Variants in CCDC3 observed in about 807,000 individuals in gnomAD.
The protein encoded by CCDC3 is coiled-coil domain containing 3, also known as coiled-coil domain-containing protein 3.
In CCDC3, 24 loss-of-function variants were observed where a neutral mutation model predicts 21.4. That is an observed-to-expected ratio of 1.12 (90% CI 0.81 to 1.58). The LOEUF (loss-of-function observed/expected upper bound fraction) is 1.58. Ranked by LOEUF, CCDC3 falls within the 40% of genes most tolerant of loss-of-function variation. The pLI is 0.00. For missense variants in CCDC3, 425 were observed against 360.9 expected (o/e 1.18, Z -1.44); for synonymous variants, 186 against 166.0 (o/e 1.12, Z -0.93).
At chr10:12,981,177 ATTTTTTTT>A (rs59193619) in intron 2 of CCDC3, among the ~76,000 whole-genome samples, 2 of 105,558 alleles carry the variant, frequency 1.9e-5, no homozygotes, top group Non-Finnish European at 3.6e-5. Context: ...CTGGCCCAGG[ATTTTTTTT>A]TTTTTTTTTT....
At chr10:13,096,762 G>A (rs1211359760) in intron 3 of CCDC3, among the ~76,000 whole-genome samples, 1 of 152,188 alleles carries the variant, frequency 6.6e-6, no homozygotes, top group African/African-American at 2.4e-5. Context: ...CATCCCAAGA[G>A]CTTGCTGTCT....
intron 5 of CCDC3, among the ~76,000 whole-genome samples, chr10:13,041,254 G>A (rs1027719484): frequency 1.3e-5 from 2 of 152,092 alleles, no homozygotes; most frequent in Non-Finnish European, 2.9e-5. Flanking sequence ...GTTTCTAAAA[G>A]CCTTTGTCTT....
chr10:13,070,969 T>G lies in CCDC3; in HGVS notation c.-270+2899A>C, dbSNP rs11258170. On this transcript the variant is annotated intron_variant, in intron 4 of 6. Coordinates refer to the CCDC3 transcript ENST00000378839. Reference sequence around the variant, plus strand: ...CTTGTTCCTGTGAACCAAACAGCAATCTCTGGCTGCAGCTCAGAAAAAAAC... The same window carrying G: ...CTTGTTCCTGTGAACCAAACAGCAAGCTCTGGCTGCAGCTCAGAAAAAAAC... Among the ~76,000 whole-genome samples the G allele has an allele frequency of 6.2e-3, 937 of 152,292 alleles. 41 individuals are homozygous for G. In the South Asian group the frequency reaches 0.088, roughly 14 times the overall value.
chr10:13,052,937 G>GTCACAC (rs1836627733), intron 4 of CCDC3, among the ~76,000 whole-genome samples: 1 of 108,504 alleles, frequency 9.2e-6, no homozygotes, highest in African/African-American at 3.6e-5. Context: ...TTGAGACTCT[G>GTCACAC]TCACACACAC....
intron 2 of CCDC3, among the ~76,000 whole-genome samples, chr10:12,954,405 G>A (rs1229399065): frequency 2.6e-5 from 4 of 152,120 alleles, no homozygotes; most frequent in South Asian, 2.1e-4. Context: ...TTACGTCTTT[G>A]TCCATTTGTG....
chr10:13,098,804 C>A (rs1366177496), intron 2 of CCDC3, among the ~76,000 whole-genome samples: 1 of 143,444 alleles, frequency 7.0e-6, no homozygotes, highest in Non-Finnish European at 1.5e-5. Context: ...GCAAGCTCTG[C>A]CTCCCGGGTT....
chr10:13,025,549 A>T (rs1409839032), intron 5 of CCDC3, among the ~76,000 whole-genome samples: 1 of 152,228 alleles, frequency 6.6e-6, no homozygotes, highest in Non-Finnish European at 1.5e-5. Flanking sequence ...AATCTTGTTA[A>T]ATATAACGTC....
chr10:12,904,679 T>A (rs1188687193), intron 2 of CCDC3, among the ~76,000 whole-genome samples: 1 of 152,028 alleles, frequency 6.6e-6, no homozygotes, highest in Non-Finnish European at 1.5e-5. Flanking sequence ...AGCCTCCACC[T>A]GAAGTCTTCC....
chr10:13,091,410 G>C lies in CCDC3; in HGVS notation c.-503+7115C>G, dbSNP rs189434041. 4.4e-3 allele frequency among the ~76,000 whole-genome samples: 675 copies of C among 152,216 alleles called. 5 individuals carry two copies. The highest frequency in any genetic ancestry group is 7.1e-3 in the Non-Finnish European group (483 of 68,012). On this transcript the variant is annotated intron_variant, in intron 3 of 6. Transcript: ENST00000378839. ...CTGCATCAACCCTTCCACCACATGA[G>C]GACACTGCAAGATGATGTCTATGAA...
chr10:13,048,805 AAT>A (rs1014517224), intron 5 of CCDC3, among the ~76,000 whole-genome samples: 5 of 152,190 alleles, frequency 3.3e-5, no homozygotes, highest in South Asian at 2.1e-4. Context: ...AAAAAATCCA[AAT>A]ATTTAAGAGT....
In CCDC3 at chr10:12,897,313, A is replaced by G. The variant is rs1454642203; in HGVS notation, c.*1103T>C. The G allele has an allele frequency of 6.6e-6, 1 of 152,244 alleles. No individual in the cohort carries two copies. The highest frequency in any genetic ancestry group is 1.5e-5 in the Non-Finnish European group (1 of 68,068). 9.4% of individuals were successfully genotyped at this position (152,244 alleles called of 1,614,324 possible). On this transcript the variant is annotated 3_prime_UTR_variant, in exon 3 of 3. Transcript: ENST00000378825. ...CATTTTTACTTATAGTAGTGTCTTA[A>G]AAGTTTTATTTCCAGAAAGGTGAAG...
intron 5 of CCDC3, among the ~76,000 whole-genome samples, chr10:13,032,122 A>C (rs1836312946): frequency 6.6e-6 from 1 of 152,152 alleles, no homozygotes; most frequent in African/African-American, 2.4e-5. Flanking sequence ...ACCCAGCAGC[A>C]CATCAAAAAG....
intron 2 of CCDC3, among the ~76,000 whole-genome samples, chr10:12,968,503 T>C (rs973548435): frequency 1.3e-5 from 2 of 152,174 alleles, no homozygotes; most frequent in African/African-American, 4.8e-5. Flanking sequence ...TTCTTCAAGC[T>C]GAAAGAAGAT....
intron 2 of CCDC3, among the ~76,000 whole-genome samples, chr10:12,997,736 A>C (rs1298165057): frequency 6.6e-6 from 1 of 152,154 alleles, no homozygotes; most frequent in Non-Finnish European, 1.5e-5. Context: ...ACATGTATTG[A>C]GCACTTACTC....
chr10:13,014,028 G>C (rs960040262), intron 5 of CCDC3, among the ~76,000 whole-genome samples: 2 of 152,060 alleles, frequency 1.3e-5, no homozygotes, highest in African/African-American at 4.8e-5. Context: ...GCACACACCT[G>C]TAATCCCAGC....
rs114595423 is a variant in CCDC3 at position 12,966,573 on chromosome 10, C to T, written c.549+31765G>A. Among the ~76,000 whole-genome samples, 561 of 152,196 alleles carry T rather than the reference C, an allele frequency of 3.7e-3. 1 individual carries two copies. Among genetic ancestry groups the T allele is most frequent in the African/African-American group, 0.013 (520 of 41,522 alleles). On this transcript the variant is annotated intron_variant, in intron 2 of 2. Transcript: ENST00000378825. ...GTTCCCAGTCCAGTCTGCTTCTTAT[C>T]GAAGCAGAAAATTTTAGAGCATCAG...
intron 4 of CCDC3, among the ~76,000 whole-genome samples, chr10:13,057,021 G>T (rs1003871967): frequency 2.0e-5 from 3 of 152,190 alleles, no homozygotes; most frequent in Non-Finnish European, 2.9e-5. Flanking sequence ...GCCCGGCACA[G>T]TAGCTCTTGC....
intron 5 of CCDC3, among the ~76,000 whole-genome samples, chr10:13,040,798 A>T (rs1298066832): frequency 6.6e-6 from 1 of 152,120 alleles, no homozygotes; most frequent in Non-Finnish European, 1.5e-5. Context: ...GGCCACCTGC[A>T]TACCCAAACT....
chr10:13,080,522 G>A (rs1837025787), intron 3 of CCDC3, among the ~76,000 whole-genome samples: 1 of 151,770 alleles, frequency 6.6e-6, no homozygotes, highest in Non-Finnish European at 1.5e-5. Context: ...ATTATAAGGA[G>A]GCATAAGAAT....
Sources: allele counts gnomAD v4.1 joint callset (sites outside exome capture counted in the v4.1 genomes callset), GRCh38; gene constraint gnomAD v4.1.1; transcripts MANE v1.5; gene names NCBI Gene and HGNC (gene_info 2026-07-23, HGNC 2026-07-21).